The following FBXO31 variants were observed in gnomAD, a reference collection of about 807,000 sequenced individuals.
The protein encoded by FBXO31 is F-box only protein 31.
A neutral mutation model predicts 54.4 loss-of-function variants in FBXO31; 24 were observed. That is an observed-to-expected ratio of 0.44 (90% CI 0.32 to 0.62). The LOEUF (loss-of-function observed/expected upper bound fraction) is 0.62. FBXO31 is among the 20% of genes least tolerant of loss of function. The probability of loss-of-function intolerance (pLI) is 0.05; values close to 1 mark genes in which losing one functional copy is unlikely to be tolerated. For synonymous variants in FBXO31, 388 were observed against 335.6 expected, an observed-to-expected ratio of 1.16 and a Z score of -1.71; for missense variants, 665 against 787.1, an observed-to-expected ratio of 0.84 and a Z score of 1.86.
At position 87,335,435 on chromosome 16, in the gene FBXO31, T is replaced by C; in HGVS notation, c.865A>G (p.Ile289Val). ...QYDNCLTYRR[I>V]YLPPSRPDDL... ...TCGGGGCGGCTGGGCGGCAGGTAGA[T>C]GCGGCGGTAGGTCAGGCAGTTGCTG... Residue 289 changes from isoleucine to valine, a missense_variant, in exon 7 of 9, where the codon ATC becomes GTC. This residue lies in a region of FBXO31 where 234 missense variants were observed against 346.8 expected (regional missense o/e 0.67). Coordinates refer to ENST00000311635, the MANE Select transcript of FBXO31 (RefSeq NM_024735.5). The surrounding 1 kb of genome is among the most constrained non-coding windows in gnomAD (Gnocchi z 5.7). The C allele has an allele frequency of 6.2e-7, 1 of 1,613,034 alleles. No homozygotes were observed. The highest frequency in any genetic ancestry group is 8.5e-7 in the Non-Finnish European group (1 of 1,179,806).
upstream of FBXO31, among the ~76,000 whole-genome samples, chr16:87,391,447 C>T (rs1008479984): frequency 3.3e-5 from 5 of 152,210 alleles, no homozygotes; most frequent in African/African-American, 9.6e-5. Context: ...TGCCCTTTCA[C>T]AGATGAGTCT....
intron 3 of FBXO31, 103 bp from the exon 4 acceptor site, chr16:87,343,868 C>G: frequency 1.6e-6 from 2 of 1,274,406 alleles, no homozygotes; most frequent in Non-Finnish European, 2.2e-6. Flanking sequence ...AAGCTCCTGC[C>G]AGACCAGCAC....
At chr16:87,353,943 A>C (rs1597368980) in intron 2 of FBXO31, among the ~76,000 whole-genome samples, 1 of 152,340 alleles carries the variant, frequency 6.6e-6, no homozygotes, top group East Asian at 1.9e-4. Context: ...ACAACTCCAC[A>C]GGCTTGGGGA....
chr16:87,348,889 G>C (rs1186536101), intron 2 of FBXO31, among the ~76,000 whole-genome samples: 1 of 152,250 alleles, frequency 6.6e-6, no homozygotes, highest in African/African-American at 2.4e-5. Context: ...CACTCAGCAA[G>C]GCAGGTAATG....
At chr16:87,351,652 T>C (rs1905661344) in intron 2 of FBXO31, among the ~76,000 whole-genome samples, 1 of 152,188 alleles carries the variant, frequency 6.6e-6, no homozygotes, top group Non-Finnish European at 1.5e-5. Context: ...GCGGATTACC[T>C]GAGGTCAGGA....
At chr16:87,343,556 A>G in intron 4 of FBXO31, 42 bp downstream of exon 4, 1 of 1,558,878 alleles carries the variant, frequency 6.4e-7, no homozygotes, top group Non-Finnish European at 8.7e-7. Context: ...CACACAGGAC[A>G]GCCCTGGGAC....
At position 87,383,364 on chromosome 16, in the gene FBXO31, A is replaced by ACCCCCCCCCCCCACCCCCCCCCCCACCC; in HGVS notation, c.340+40_340+41insGGGTGGGGGGGGGGGTGGGGGGGGGGGG. 7.5e-7 allele frequency: 1 copy of ACCCCCCCCCCCCACCCCCCCCCCCACCC among 1,329,446 alleles called. No homozygotes were observed. Among genetic ancestry groups the ACCCCCCCCCCCCACCCCCCCCCCCACCC allele is most frequent in the Non-Finnish European group, 1.0e-6 (1 of 975,776 alleles). The allele number at this position is 1,329,446 out of a possible 1,614,324, so 82.4% of individuals were successfully genotyped here. Reference sequence around the variant, plus strand: ...GCTCCGAGGCCTCCACCTGGCAGGGACCCCCCGCCCCTCCCGGCCCCGCCA... The same window carrying ACCCCCCCCCCCCACCCCCCCCCCCACCC: ...GCTCCGAGGCCTCCACCTGGCAGGGACCCCCCCCCCCCACCCCCCCCCCCACCCCCCCCCGCCCCTCCCGGCCCCGCCA... On this transcript the variant is annotated intron_variant, in intron 1 of 8. Coordinates refer to ENST00000311635, the MANE Select transcript of FBXO31 (RefSeq NM_024735.5). This position sits in a 1 kb window ranked among gnomAD's most constrained non-coding sequence, Gnocchi z 4.9.
chr16:87,382,188 T>A (rs936422072), intron 1 of FBXO31, among the ~76,000 whole-genome samples: 4 of 152,098 alleles, frequency 2.6e-5, no homozygotes, highest in Non-Finnish European at 5.9e-5. Flanking sequence ...GAGGGACGAG[T>A]CTGTGCTACA....
At chr16:87,373,880 T>G (rs1906709237) in intron 1 of FBXO31, among the ~76,000 whole-genome samples, 1 of 152,226 alleles carries the variant, frequency 6.6e-6, no homozygotes, top group Non-Finnish European at 1.5e-5. Context: ...AATTTCTCAT[T>G]TTTATCATAC....
rs1905108385 is a variant in FBXO31 at position 87,338,834 on chromosome 16, T to G, written c.733-2570A>C. On this transcript the variant is annotated intron_variant, in intron 5 of 8. Coordinates refer to ENST00000311635, the MANE Select transcript of FBXO31 (RefSeq NM_024735.5). The surrounding 1 kb of genome is among the most constrained non-coding windows in gnomAD (Gnocchi z 4.3). ...GTTTGGCTGTGTCCCCACCCAAATC[T>G]CATCTTGAACTGTAGCTCTTCCAAT... Among the ~76,000 whole-genome samples, 1 of 152,110 alleles carries G rather than the reference T, an allele frequency of 6.6e-6. No homozygotes were observed. Among genetic ancestry groups the G allele is most frequent in the Non-Finnish European group, 1.5e-5 (1 of 68,008 alleles).
In FBXO31 at chr16:87,336,679, C is replaced by G. The variant is rs1292660573; in HGVS notation, c.733-415G>C. On this transcript the variant is annotated intron_variant, in intron 5 of 8. Coordinates refer to ENST00000311635, the MANE Select transcript of FBXO31 (RefSeq NM_024735.5). This position sits in a 1 kb window ranked among gnomAD's most constrained non-coding sequence, Gnocchi z 6.5. Reference sequence around the variant, plus strand: ...GCCTGCTTCTCTGGCTCCTGGGAGCCTGAGTGTTCCAGAAGCCCTCACCAC... The same window carrying G: ...GCCTGCTTCTCTGGCTCCTGGGAGCGTGAGTGTTCCAGAAGCCCTCACCAC... 6.6e-6 allele frequency among the ~76,000 whole-genome samples: 1 copy of G among 152,160 alleles called. No homozygotes were observed. The highest frequency in any genetic ancestry group is 2.4e-5 in the African/African-American group (1 of 41,424).
chr16:87,333,662 G>A (rs1259870650), intron 8 of FBXO31, among the ~76,000 whole-genome samples: 5 of 152,198 alleles, frequency 3.3e-5, no homozygotes, highest in Admixed American at 3.3e-4. Flanking sequence ...AGAAGGGGTG[G>A]AAGGACAGGA....
At chr16:87,376,923 C>T (rs16942916) in intron 1 of FBXO31, among the ~76,000 whole-genome samples, 4,344 of 152,272 alleles carry the variant, frequency 0.029, 107 homozygotes, top group Middle Eastern at 0.041. Flanking sequence ...ATCTCATATA[C>T]GACTATTCCT....
intron 2 of FBXO31, among the ~76,000 whole-genome samples, chr16:87,352,205 A>T (rs1430715910): frequency 6.6e-6 from 1 of 152,230 alleles, no homozygotes; most frequent in African/African-American, 2.4e-5. Flanking sequence ...GTCAGTTATA[A>T]AGAAATAAAC....
At chr16:87,374,722 C>A (rs1201987416) in intron 1 of FBXO31, among the ~76,000 whole-genome samples, 1 of 152,262 alleles carries the variant, frequency 6.6e-6, no homozygotes, top group Non-Finnish European at 1.5e-5. Context: ...AGGGACCATG[C>A]TGGCTAGTGT....
At chr16:87,380,139 A>T (rs1206294201) in intron 1 of FBXO31, among the ~76,000 whole-genome samples, 3 of 151,668 alleles carry the variant, frequency 2.0e-5, no homozygotes, top group Non-Finnish European at 4.4e-5. Context: ...CTCTACTAAA[A>T]ATACAAAAAT....
rs1328878221 is a variant in FBXO31 at position 87,345,452 on chromosome 16, G to A, written c.490-1687C>T. Among the ~76,000 whole-genome samples, 1 of 152,142 alleles carries A rather than the reference G, an allele frequency of 6.6e-6. No homozygotes were observed. Among genetic ancestry groups the A allele is most frequent in the South Asian group, 2.1e-4 (1 of 4,816 alleles). Reference sequence around the variant, plus strand: ...AGAGCACCACCTCCTCACCCCACAGGGACACCTGCAAATACCAAGAAAAGT... The same window carrying A: ...AGAGCACCACCTCCTCACCCCACAGAGACACCTGCAAATACCAAGAAAAGT... On this transcript the variant is annotated intron_variant, in intron 3 of 8. Transcript: ENST00000311635. This position sits in a 1 kb window ranked among gnomAD's most constrained non-coding sequence, Gnocchi z 4.9.
chr16:87,377,638 C>T (rs917253436), intron 1 of FBXO31, among the ~76,000 whole-genome samples: 1 of 151,888 alleles, frequency 6.6e-6, no homozygotes, highest in Non-Finnish European at 1.5e-5. Flanking sequence ...CCAGCGGGGG[C>T]AACACAGTGA....
chr16:87,376,294 G>C (rs1469891721), intron 1 of FBXO31, among the ~76,000 whole-genome samples: 1 of 146,818 alleles, frequency 6.8e-6, no homozygotes, highest in Non-Finnish European at 1.5e-5. Flanking sequence ...TTTTTGTTAA[G>C]ACAGAGTCTT....
Sources: allele counts gnomAD v4.1 joint callset (sites outside exome capture counted in the v4.1 genomes callset), GRCh38; gene constraint gnomAD v4.1.1; regional missense constraint gnomAD v4.1.1; non-coding constraint Gnocchi (gnomAD v3.1); transcripts MANE v1.5; gene names NCBI Gene and HGNC (gene_info 2026-07-23, HGNC 2026-07-21).